LUZP2: variants seen among roughly 807,000 people sequenced by gnomAD.
The protein encoded by LUZP2 is leucine zipper protein 2.
LUZP2 carries 52 observed loss-of-function variants against 51.6 expected under a neutral mutation model. The ratio of observed to expected loss-of-function variants is 1.01; its 90% CI spans 0.81 to 1.27. The LOEUF (loss-of-function observed/expected upper bound fraction) is 1.27, where lower values mean the gene tolerates loss of function less well. Ranked by LOEUF, LUZP2 falls within the 50% of genes most tolerant of loss-of-function variation. The pLI is 0.00. For missense variants in LUZP2, 436 were observed against 395.4 expected (o/e 1.10, Z -0.87); for synonymous variants, 154 against 137.3 (o/e 1.12, Z -0.85).
At position 24,687,471 on chromosome 11, in the gene LUZP2, A is replaced by G. The variant is rs141022810; in HGVS notation, c.63-41698A>G. The stretch of plus-strand genomic sequence containing the variant: ...CTTGTAATAAACCTGTGAGAATGGT[A>G]CCTTTATCAGGTCCGTTTTACACAC... On this transcript the variant is annotated intron_variant, in intron 1 of 11. Transcript: ENST00000336930. 4.1e-4 allele frequency among the ~76,000 whole-genome samples: 63 copies of G among 152,260 alleles called. 1 individual carries two copies. The highest frequency in any genetic ancestry group is 1.5e-3 in the African/African-American group (63 of 41,544).
At chr11:24,505,132 C>G (rs1205214239) in intron 1 of LUZP2, among the ~76,000 whole-genome samples, 2 of 152,168 alleles carry the variant, frequency 1.3e-5, no homozygotes, top group Non-Finnish European at 2.9e-5. Context: ...GGACATTCAT[C>G]TCATGTCCCC....
At chr11:24,917,923 G>A (rs1310363328) in intron 7 of LUZP2, among the ~76,000 whole-genome samples, 1 of 152,042 alleles carries the variant, frequency 6.6e-6, no homozygotes, top group African/African-American at 2.4e-5. Flanking sequence ...AATTACCTTG[G>A]GCAGTATGGC....
intron 1 of LUZP2, among the ~76,000 whole-genome samples, chr11:24,634,387 C>T (rs1280328431): frequency 6.6e-6 from 1 of 151,910 alleles, no homozygotes; most frequent in Non-Finnish European, 1.5e-5. Flanking sequence ...CTTTGTATGG[C>T]TATCACAGAA....
intron 4 of LUZP2, among the ~76,000 whole-genome samples, chr11:24,743,629 C>A (rs1242060993): frequency 6.6e-6 from 1 of 152,006 alleles, no homozygotes. Flanking sequence ...ATAATATCAT[C>A]AGCAAACAAT....
chr11:24,716,990 G>A (rs1858071899), intron 1 of LUZP2, among the ~76,000 whole-genome samples: 1 of 151,962 alleles, frequency 6.6e-6, no homozygotes, highest in Non-Finnish European at 1.5e-5. Flanking sequence ...AGGCTGTTGT[G>A]CAATCATTTT....
At chr11:24,614,473 T>C (rs1854224870) in intron 1 of LUZP2, among the ~76,000 whole-genome samples, 1 of 152,064 alleles carries the variant, frequency 6.6e-6, no homozygotes, top group South Asian at 2.1e-4. Context: ...GAAAAGCCTT[T>C]TATTATCACT....
At chr11:24,800,702 G>A (rs191688327) in intron 5 of LUZP2, among the ~76,000 whole-genome samples, 6 of 151,944 alleles carry the variant, frequency 3.9e-5, no homozygotes, top group Admixed American at 2.0e-4. Context: ...TTTTTCTCTG[G>A]AACTTTATTT....
intron 1 of LUZP2, among the ~76,000 whole-genome samples, chr11:24,528,944 T>C (rs755968911): frequency 4.0e-5 from 6 of 151,160 alleles, no homozygotes; most frequent in Admixed American, 6.6e-5. Context: ...GGTGATCAGA[T>C]GGTAGAATGC....
At chr11:24,709,048 A>C (rs1233718125) in intron 1 of LUZP2, among the ~76,000 whole-genome samples, 1 of 152,180 alleles carries the variant, frequency 6.6e-6, no homozygotes, top group East Asian at 1.9e-4. Context: ...CTAGAAGTAG[A>C]AAGAGTTAAG....
At chr11:24,548,947 A>G (rs1851642171) in intron 1 of LUZP2, among the ~76,000 whole-genome samples, 1 of 151,896 alleles carries the variant, frequency 6.6e-6, no homozygotes, top group Non-Finnish European at 1.5e-5. Flanking sequence ...AAGGCCTAAA[A>G]CATTAATGTA....
intron 1 of LUZP2, among the ~76,000 whole-genome samples, chr11:24,606,485 G>T (rs992508811): frequency 1.3e-5 from 2 of 151,952 alleles, no homozygotes; most frequent in Admixed American, 6.6e-5. Flanking sequence ...AGGTGTGTGT[G>T]TCTATACAAA....
intron 1 of LUZP2, among the ~76,000 whole-genome samples, chr11:24,695,176 C>A (rs1009235053): frequency 6.6e-6 from 1 of 151,970 alleles, no homozygotes; most frequent in African/African-American, 2.4e-5. Flanking sequence ...TCTATCAGTA[C>A]AAGCCATTGT....
At chr11:24,984,908 ATGTTACC>A (rs1413427293) in intron 9 of LUZP2, among the ~76,000 whole-genome samples, 1 of 151,432 alleles carries the variant, frequency 6.6e-6, no homozygotes, top group East Asian at 1.9e-4. Flanking sequence ...CATCCCTTGA[ATGTTACC>A]TCTGCCTATG....
rs911247051 is a variant in LUZP2 at position 24,659,639 on chromosome 11, G to T, written c.63-69530G>T. Among the ~76,000 whole-genome samples, 6 of 151,784 alleles carry T rather than the reference G, an allele frequency of 4.0e-5. No individual in the cohort carries two copies. The East Asian group carries it at 7.7e-4, about 20-fold the overall frequency. ...AACATAATTTTGGCAGCCCGTTCAA[G>T]CCTATGGAACTCACAATATATTTTT... On this transcript the variant is annotated intron_variant, in intron 1 of 11. Transcript: ENST00000336930.
intron 1 of LUZP2, among the ~76,000 whole-genome samples, chr11:24,596,975 A>G (rs1269013561): frequency 6.6e-6 from 1 of 152,186 alleles, no homozygotes; most frequent in Non-Finnish European, 1.5e-5. Flanking sequence ...CTATGTGATC[A>G]TGCTATGCTG....
At chr11:24,862,801 C>T (rs1259166856) in intron 5 of LUZP2, among the ~76,000 whole-genome samples, 1 of 152,172 alleles carries the variant, frequency 6.6e-6, no homozygotes, top group Non-Finnish European at 1.5e-5. Context: ...TAAACTATTT[C>T]AAATTGTATC....
intron 9 of LUZP2, among the ~76,000 whole-genome samples, chr11:25,018,050 T>TTTGTTTTGG (rs796583082): frequency 1.3e-3 from 3 of 2,270 alleles, no homozygotes; most frequent in Non-Finnish European, 8.6e-3. Flanking sequence ...TTTTTTTTGT[T>TTTGTTTTGG]TTTTTTTTTG....
intron 1 of LUZP2, among the ~76,000 whole-genome samples, chr11:24,711,865 T>C (rs1290654043): frequency 6.6e-6 from 1 of 152,090 alleles, no homozygotes; most frequent in Non-Finnish European, 1.5e-5. Flanking sequence ...CACAAACACA[T>C]ATGTATATAC....
chr11:25,019,411 A>G (rs1365551627), intron 9 of LUZP2, among the ~76,000 whole-genome samples: 1 of 152,144 alleles, frequency 6.6e-6, no homozygotes, highest in Non-Finnish European at 1.5e-5. Flanking sequence ...ATTAAAATTA[A>G]TTGTAAATTT....
Sources: gnomAD v4.1 joint callset for allele counts (sites outside exome capture counted in the v4.1 genomes callset) on GRCh38, gnomAD v4.1.1 for gene constraint, MANE v1.5 for transcripts, NCBI Gene and HGNC (gene_info 2026-07-23, HGNC 2026-07-21) for gene names.